The following CFAP77 variants were observed in gnomAD, a reference collection of about 807,000 sequenced individuals.
The protein encoded by CFAP77 is cilia- and flagella-associated protein 77.
In CFAP77, 25 loss-of-function variants were observed where a neutral mutation model predicts 31.1. The ratio of observed to expected loss-of-function variants is 0.80; its 90% CI spans 0.59 to 1.12. The LOEUF is 1.12. Ranked by LOEUF, CFAP77 falls within the 50% of genes most tolerant of loss-of-function variation. The pLI is 0.00. For missense variants in CFAP77, 377 were observed against 397.3 expected, an observed-to-expected ratio of 0.95 and a Z score of 0.44; for synonymous variants, 151 against 159.9, an observed-to-expected ratio of 0.94 and a Z score of 0.42.
chr9:132,508,474 T>A (rs1205734521), intron 3 of CFAP77, among the ~76,000 whole-genome samples: 1 of 152,104 alleles, frequency 6.6e-6, no homozygotes, highest in Non-Finnish European at 1.5e-5. Context: ...GGGTGTCTAC[T>A]GTGTACAAAG....
chr9:132,499,308 C>A lies in CFAP77; in HGVS notation c.296-64C>A. Reference sequence around the variant, plus strand: ...CCGCGTGCCCCCATTTCTTCTCGATCAGCTGCCTCAGGGTGCTTACTCCCA... The same window carrying A: ...CCGCGTGCCCCCATTTCTTCTCGATAAGCTGCCTCAGGGTGCTTACTCCCA... On this transcript the variant is annotated intron_variant, in intron 2 of 5. Coordinates refer to ENST00000393216, the MANE Select transcript of CFAP77 (RefSeq NM_001282957.2). This position sits in a 1 kb window ranked among gnomAD's most constrained non-coding sequence, Gnocchi z 5.4. 3 of 1,464,790 alleles carry A rather than the reference C, an allele frequency of 2.0e-6. No homozygotes were observed. The highest frequency in any genetic ancestry group is 1.4e-5 in the African/African-American group (1 of 72,038). 90.7% of individuals were successfully genotyped at this position (1,464,790 alleles called of 1,614,324 possible). A position where few individuals can be genotyped will look rare whatever the true frequency, so the allele number is the denominator to read the frequency against.
intron 1 of CFAP77, among the ~76,000 whole-genome samples, chr9:132,483,086 A>G (rs925583869): frequency 2.0e-5 from 3 of 152,082 alleles, no homozygotes; most frequent in Non-Finnish European, 2.9e-5. Flanking sequence ...AGTCTGACCA[A>G]CATGGAGAAA....
intron 3 of CFAP77, among the ~76,000 whole-genome samples, chr9:132,509,472 C>T (rs1450589951): frequency 3.9e-5 from 6 of 152,116 alleles, no homozygotes; most frequent in Admixed American, 2.6e-4. Context: ...TTAAAAGGGG[C>T]CCAGGCTGAG....
At chr9:132,534,793 T>C (rs1422296547) in intron 3 of CFAP77, among the ~76,000 whole-genome samples, 1 of 152,182 alleles carries the variant, frequency 6.6e-6, no homozygotes, top group Non-Finnish European at 1.5e-5. Flanking sequence ...ATTATGCATA[T>C]ATATCCATAT....
intron 1 of CFAP77, among the ~76,000 whole-genome samples, chr9:132,487,192 T>C (rs1201581820): frequency 6.6e-6 from 1 of 152,140 alleles, no homozygotes; most frequent in African/African-American, 2.4e-5. Flanking sequence ...TGAAACACTC[T>C]ACATACAGCG....
chr9:132,544,521 G>T (rs1852702992), intron 5 of CFAP77, among the ~76,000 whole-genome samples: 1 of 145,206 alleles, frequency 6.9e-6, no homozygotes, highest in African/African-American at 2.6e-5. Flanking sequence ...TTTAAGGCTG[G>T]GTCTCACTCT....
chr9:132,491,882 G>A (rs1046703312), intron 1 of CFAP77, among the ~76,000 whole-genome samples: 1 of 152,172 alleles, frequency 6.6e-6, no homozygotes, highest in African/African-American at 2.4e-5. Context: ...CTTATATGTT[G>A]TTTTGCTTAA....
At chr9:132,547,741 C>T (rs1014401530) in intron 5 of CFAP77, among the ~76,000 whole-genome samples, 2 of 152,294 alleles carry the variant, frequency 1.3e-5, no homozygotes, top group African/African-American at 4.8e-5. Flanking sequence ...GGTCCAGAGA[C>T]ACCAACCTTG....
chr9:132,411,545 T>C (rs1373005546), intron 1 of CFAP77, among the ~76,000 whole-genome samples: 1 of 152,140 alleles, frequency 6.6e-6, no homozygotes, highest in African/African-American at 2.4e-5. Context: ...GAGGCTGGCT[T>C]CCCACACTCG....
intron 5 of CFAP77, among the ~76,000 whole-genome samples, chr9:132,550,385 T>TG (rs1852804256): frequency 2.0e-5 from 3 of 152,180 alleles, no homozygotes. Context: ...TGATGGAATT[T>TG]GGGGGGTCCC....
At chr9:132,428,023 G>A (rs1250887502) in intron 1 of CFAP77, among the ~76,000 whole-genome samples, 5 of 150,494 alleles carry the variant, frequency 3.3e-5, no homozygotes, top group African/African-American at 9.8e-5. Context: ...TTCTGAGACA[G>A]GGTCTTGCTT....
intron 3 of CFAP77, among the ~76,000 whole-genome samples, chr9:132,520,736 C>A (rs1264520737): frequency 1.3e-5 from 2 of 152,232 alleles, no homozygotes; most frequent in Non-Finnish European, 2.9e-5. Flanking sequence ...CCAGCCCTCA[C>A]CAAGCTCCTG....
chr9:132,563,807 G>A (rs749559092), intron 5 of CFAP77, among the ~76,000 whole-genome samples: 7 of 152,204 alleles, frequency 4.6e-5, no homozygotes, highest in Non-Finnish European at 1.0e-4. Flanking sequence ...CGATGTGTGT[G>A]TAATGCTTAT....
chr9:132,502,263 ATATT>A (rs755147521), intron 3 of CFAP77, among the ~76,000 whole-genome samples: 18,752 of 102,834 alleles, frequency 0.18, 1,578 homozygotes, highest in African/African-American at 0.29. Context: ...ATATATATAT[ATATT>A]TTTTTTTTTT....
intron 1 of CFAP77, among the ~76,000 whole-genome samples, chr9:132,459,852 CTGTG>C (rs746765480): frequency 2.8e-5 from 4 of 143,504 alleles, no homozygotes; most frequent in East Asian, 2.1e-4. Context: ...TATTGTGAGT[CTGTG>C]TGTGAGTGTG....
At chr9:132,530,195 G>C (rs1237655137) in intron 3 of CFAP77, among the ~76,000 whole-genome samples, 1 of 142,692 alleles carries the variant, frequency 7.0e-6, no homozygotes, top group Non-Finnish European at 1.5e-5. Flanking sequence ...AAACTCTTGG[G>C]CTCAAGGAAT....
intron 1 of CFAP77, among the ~76,000 whole-genome samples, chr9:132,429,537 C>CAAAAA (rs762588728): frequency 6.6e-4 from 26 of 39,414 alleles, no homozygotes; most frequent in Admixed American, 2.5e-3. Flanking sequence ...GACTTCAACT[C>CAAAAA]AAAAAAAAAA....
intron 1 of CFAP77, among the ~76,000 whole-genome samples, chr9:132,444,949 C>A (rs1850683996): frequency 6.6e-6 from 1 of 151,266 alleles, no homozygotes; most frequent in South Asian, 2.1e-4. Context: ...CAGCCCCTAG[C>A]AACACTGTCC....
rs1347590683 is a variant in CFAP77, at chr9:132,498,757, A to T, written c.258A>T (p.Gly86=). Residue 86 remains glycine (G), a synonymous_variant, in exon 2 of 6, where the codon GGA becomes GGT. Coordinates refer to ENST00000393216, the MANE Select transcript of CFAP77 (RefSeq NM_001282957.2). The surrounding 1 kb of genome is among the most constrained non-coding windows in gnomAD (Gnocchi z 4.2). The part of the protein sequence containing the change: ...YSLPGINFNY[G]LYIRGLDGGV... ...TGCCCGGCATTAATTTTAATTATGG[A>T]CTCTACATCCGAGGGCTTGACGGAG... 4.3e-6 allele frequency: 7 copies of T among 1,611,776 alleles called. No individual in the cohort carries two copies. The highest frequency in any genetic ancestry group is 5.9e-6 in the Non-Finnish European group (7 of 1,178,972).
Sources: allele counts gnomAD v4.1 joint callset (sites outside exome capture counted in the v4.1 genomes callset), GRCh38; gene constraint gnomAD v4.1.1; non-coding constraint Gnocchi (gnomAD v3.1); transcripts MANE v1.5; gene names NCBI Gene and HGNC (gene_info 2026-07-23, HGNC 2026-07-21).